The following FBLN2 variants were observed in gnomAD, a reference collection of about 807,000 sequenced individuals.
The protein encoded by FBLN2 is fibulin 2, also known as fibulin-2.
FBLN2 carries 81 observed loss-of-function variants against 123.7 expected under a neutral mutation model. The observed-to-expected ratio is 0.65, with a 90% CI of 0.55 to 0.79. The LOEUF (loss-of-function observed/expected upper bound fraction) is 0.79, where lower values mean the gene tolerates loss of function less well. Ranked by LOEUF, FBLN2 falls within the 30% of genes least tolerant of loss-of-function variation. The pLI, the probability that FBLN2 is intolerant of heterozygous loss-of-function variation, is 0.00. For missense variants in FBLN2, 1,603 were observed against 1,681.3 expected (o/e 0.95, Z 0.81); for synonymous variants, 699 against 701.4 (o/e 1.00, Z 0.05).
chr3:13,577,330 G>A (rs1040199810), intron 2 of FBLN2, among the ~76,000 whole-genome samples: 2 of 152,018 alleles, frequency 1.3e-5, no homozygotes, highest in Admixed American at 6.6e-5. Flanking sequence ...AGCGAGCCAC[G>A]CGTGCACCTG....
At chr3:13,562,576 C>T (rs1356036394) in intron 1 of FBLN2, among the ~76,000 whole-genome samples, 2 of 152,162 alleles carry the variant, frequency 1.3e-5, no homozygotes, top group Admixed American at 1.3e-4. Context: ...AGGATGGCCT[C>T]TATCTCCTGA....
In FBLN2 at chr3:13,619,803, C is replaced by T. The variant is rs755507688; in HGVS notation, c.2127C>T (p.Ala709=). ...SAICSCFPGY[A]IMADGVSCED... ...TATGCTCCTGTTTTCCCGGCTATGC[C>T]ATCATGGCGGATGGCGTGTCCTGTG... Residue 709 remains alanine (A), a synonymous_variant, in exon 8 of 18, where the codon GCC becomes GCT. Transcript: ENST00000404922. 6.2e-7 allele frequency: 1 copy of T among 1,612,768 alleles called. No homozygotes were observed. The highest frequency in any genetic ancestry group is 8.5e-7 in the Non-Finnish European group (1 of 1,179,346).
chr3:13,601,730 G>A (rs1352476729), intron 2 of FBLN2, among the ~76,000 whole-genome samples: 1 of 152,230 alleles, frequency 6.6e-6, no homozygotes, highest in Non-Finnish European at 1.5e-5. Context: ...ACATTGCAAA[G>A]GAGGAAACAG....
Position 13,628,943 on chromosome 3 carries a change from C to T in FBLN2, c.2608C>T (p.Pro870Ser), listed in dbSNP as rs1706147606. 1.2e-6 allele frequency: 2 copies of T among 1,613,634 alleles called. No homozygotes were observed. The highest frequency in any genetic ancestry group is 2.2e-5 in the East Asian group (1 of 44,870). ...ECTSLSEPCRPGFSCINTVGS... is the reference protein window; with the variant it reads ...ECTSLSEPCRSGFSCINTVGS... ...CACGTCACTGTCCGAGCCATGTCGG[C>T]CAGGCTTCAGCTGCATCAACACGGT... Residue 870 changes from proline (P) to serine (S), a missense_variant, in exon 12 of 18, where the codon CCA becomes TCA. Transcript: ENST00000404922.
intron 2 of FBLN2, among the ~76,000 whole-genome samples, chr3:13,599,703 G>GGGGATGA (rs1704960797): frequency 6.6e-6 from 1 of 151,854 alleles, no homozygotes; most frequent in South Asian, 2.1e-4. Flanking sequence ...GAGGGAGGCG[G>GGGGATGA]GGGATGAGGG....
intron 2 of FBLN2, among the ~76,000 whole-genome samples, chr3:13,602,472 T>A (rs929435294): frequency 6.6e-6 from 1 of 152,236 alleles, no homozygotes; most frequent in Non-Finnish European, 1.5e-5. Flanking sequence ...AGTTACACTT[T>A]GCTTTGGTTG....
At chr3:13,598,879 G>A (rs987952763) in intron 2 of FBLN2, among the ~76,000 whole-genome samples, 2 of 152,246 alleles carry the variant, frequency 1.3e-5, no homozygotes, top group Non-Finnish European at 2.9e-5. Context: ...GACAGAGCCT[G>A]CTGGACGCAC....
At chr3:13,590,387 GCC>G (rs1218217265) in intron 2 of FBLN2, among the ~76,000 whole-genome samples, 1 of 152,052 alleles carries the variant, frequency 6.6e-6, no homozygotes, top group Non-Finnish European at 1.5e-5. Flanking sequence ...GTGCAGAGGT[GCC>G]ATCTTGGCTC....
At chr3:13,622,088 G>T (rs572098338) in intron 9 of FBLN2, among the ~76,000 whole-genome samples, 173 bp downstream of exon 9, 29 of 152,282 alleles carry the variant, frequency 1.9e-4, no homozygotes, top group African/African-American at 6.3e-4. Flanking sequence ...GTCTTGTCCC[G>T]CTTGGCTGCC....
chr3:13,563,734 G>GCCAA (rs1230382606), intron 1 of FBLN2, among the ~76,000 whole-genome samples: 1 of 152,206 alleles, frequency 6.6e-6, no homozygotes, highest in Non-Finnish European at 1.5e-5. Context: ...ACCTACTGAG[G>GCCAA]CCAACTACAC....
rs149919140 is a variant in FBLN2 at position 13,635,392 on chromosome 3, A to C, written c.3215-1053A>C. ...CTGTGGGTTACACACACACACACAC[A>C]CACACACCCACACACACCCCTACCC... On this transcript the variant is annotated intron_variant, in intron 16 of 17. Coordinates refer to ENST00000404922, the MANE Select transcript of FBLN2 (RefSeq NM_001004019.2). 9.2e-4 allele frequency among the ~76,000 whole-genome samples: 140 copies of C among 151,938 alleles called. 1 individual carries two copies. The highest frequency in any genetic ancestry group is 3.2e-3 in the African/African-American group (133 of 41,390).
intron 11 of FBLN2, among the ~76,000 whole-genome samples, chr3:13,628,701 T>C (rs1445650211): frequency 6.6e-6 from 1 of 152,084 alleles, no homozygotes; most frequent in African/African-American, 2.4e-5. Context: ...TGAGAGGGCG[T>C]AGGGCCAGCC....
intron 16 of FBLN2, among the ~76,000 whole-genome samples, chr3:13,635,258 C>T (rs1575004796): frequency 6.6e-6 from 1 of 152,084 alleles, no homozygotes; most frequent in African/African-American, 2.4e-5. Context: ...CTGCCCCTAC[C>T]CCACGGGACT....
chr3:13,553,176 C>G (rs1010962665), intron 1 of FBLN2, among the ~76,000 whole-genome samples: 5 of 152,176 alleles, frequency 3.3e-5, no homozygotes, highest in Non-Finnish European at 7.4e-5. Context: ...GCAAGGCCAA[C>G]TAGACCCTGA....
intron 15 of FBLN2, 67 bp downstream of exon 15, chr3:13,630,882 G>C: frequency 8.1e-7 from 1 of 1,241,844 alleles, no homozygotes; most frequent in Non-Finnish European, 1.2e-6. Flanking sequence ...CAGGCTCCCC[G>C]AGAGTCCCTG....
intron 7 of FBLN2, 145 bp from the exon 8 acceptor site, chr3:13,619,585 G>A (rs1439407539): frequency 4.5e-6 from 3 of 662,822 alleles, no homozygotes; most frequent in South Asian, 1.8e-5. Flanking sequence ...ACCAGGAGTG[G>A]CGTTCCTTGT....
At chr3:13,591,987 A>T (rs1213990106) in intron 2 of FBLN2, among the ~76,000 whole-genome samples, 1 of 147,022 alleles carries the variant, frequency 6.8e-6, no homozygotes, top group Non-Finnish European at 1.5e-5. Flanking sequence ...CAGTGGCTGC[A>T]TCTGTATGGT....
intron 2 of FBLN2, among the ~76,000 whole-genome samples, chr3:13,598,676 C>T (rs148823309): frequency 5.9e-5 from 9 of 152,308 alleles, no homozygotes; most frequent in Non-Finnish European, 1.2e-4. Context: ...GTATTTCACC[C>T]AGCCCCAGAT....
rs1378444819 is a variant in FBLN2 at position 13,570,295 on chromosome 3, T to G, written c.-41-20T>G. The G allele has an allele frequency of 6.9e-7, 1 of 1,459,836 alleles. No homozygotes were observed. The highest frequency in any genetic ancestry group is 9.1e-7 in the Non-Finnish European group (1 of 1,103,746). The allele number at this position is 1,459,836 out of a possible 1,614,324, so 90.4% of individuals were successfully genotyped here. A position where few individuals can be genotyped will look rare whatever the true frequency, so the allele number is the denominator to read the frequency against. ...GTGTGCACACCCAGTACTGACAGGC[T>G]TCCTTTCTGATTCCCCCAGGGTCTT... On this transcript the variant is annotated intron_variant, in intron 1 of 17. Transcript: ENST00000404922.
Sources: gnomAD v4.1 joint callset for allele counts (sites outside exome capture counted in the v4.1 genomes callset) on GRCh38, gnomAD v4.1.1 for gene constraint, MANE v1.5 for transcripts, NCBI Gene and HGNC (gene_info 2026-07-23, HGNC 2026-07-21) for gene names.